The following PTPRS variants were observed in gnomAD, a reference collection of about 807,000 sequenced individuals.
The protein encoded by PTPRS is protein tyrosine phosphatase receptor type S.
PTPRS carries 63 observed loss-of-function variants against 215.3 expected under a neutral mutation model. The observed-to-expected ratio is 0.29, with a 90% CI of 0.24 to 0.36. PTPRS has a LOEUF of 0.36. PTPRS is among the 10% of genes least tolerant of loss of function. The probability of loss-of-function intolerance (pLI) is 1.00; values close to 1 mark genes in which losing one functional copy is unlikely to be tolerated. For synonymous variants in PTPRS, 1,404 were observed against 1,191.4 expected (o/e 1.18, Z -3.68); for missense variants, 2,258 against 2,825.8 (o/e 0.80, Z 4.56).
At chr19:5,324,545 G>GGA (rs2050120308) in intron 1 of PTPRS, among the ~76,000 whole-genome samples, 1 of 152,208 alleles carries the variant, frequency 6.6e-6, no homozygotes, top group Admixed American at 6.5e-5. Flanking sequence ...TTGCAATGGA[G>GGA]GAGGAGAGGA....
chr19:5,310,369 C>G (rs771144901), intron 1 of PTPRS, among the ~76,000 whole-genome samples: 75 of 145,042 alleles, frequency 5.2e-4, no homozygotes, highest in Admixed American at 7.7e-4. Context: ...CCAGGCTGGA[C>G]TGCAGTGGCG....
In PTPRS at chr19:5,210,056, C is replaced by T. The variant is rs2040725531; in HGVS notation, c.5487+413G>A. ...ACACTGCAGTCCTTCATTGAGCCAA[C>T]ACCATCCATACTCATCTCTCCTCAC... On this transcript the variant is annotated intron_variant, in intron 35 of 37. Transcript: ENST00000262963. The surrounding 1 kb of genome is among the most constrained non-coding windows in gnomAD (Gnocchi z 4.5). 6.6e-6 allele frequency among the ~76,000 whole-genome samples: 1 copy of T among 152,212 alleles called. No homozygotes were observed. Among genetic ancestry groups the T allele is most frequent in the Non-Finnish European group, 1.5e-5 (1 of 68,042 alleles).
chr19:5,240,408 C>T, intron 11 of PTPRS, 76 bp from the exon 12 acceptor site: 1 of 1,399,916 alleles, frequency 7.1e-7, no homozygotes, highest in Non-Finnish European at 9.4e-7. Context: ...GCTGAGTGTC[C>T]CCACTAAAAG....
intron 5 of PTPRS, among the ~76,000 whole-genome samples, chr19:5,263,899 A>C (rs778328453): frequency 6.6e-6 from 1 of 152,204 alleles, no homozygotes; most frequent in East Asian, 1.9e-4. Context: ...CTGTGCCCAC[A>C]GGCGGGAGGC....
chr19:5,260,754 G>C, intron 7 of PTPRS, 51 bp downstream of exon 7: 1 of 1,609,244 alleles, frequency 6.2e-7, no homozygotes, highest in Non-Finnish European at 8.5e-7. Flanking sequence ...GAGGGGCTGA[G>C]TGGGCAGCAA....
At chr19:5,305,729 T>C (rs1300800221) in intron 1 of PTPRS, among the ~76,000 whole-genome samples, 1 of 108,846 alleles carries the variant, frequency 9.2e-6, no homozygotes, top group African/African-American at 3.4e-5. Context: ...ACCCCGTCTC[T>C]GAAAAATAAA....
intron 1 of PTPRS, among the ~76,000 whole-genome samples, chr19:5,337,906 AT>A (rs202046436): frequency 1.3e-5 from 2 of 151,446 alleles, no homozygotes; most frequent in African/African-American, 2.4e-5. Context: ...ATAAGGAGTG[AT>A]TTTTTTTTCT....
At position 5,293,262 on chromosome 19, in the gene PTPRS, G is replaced by C. The variant is rs941249654; in HGVS notation, c.-94-7028C>G. 1.3e-5 allele frequency: 2 copies of C among 151,352 alleles called. No individual in the cohort carries two copies. The highest frequency in any genetic ancestry group is 1.5e-5 in the Non-Finnish European group (1 of 67,646). 9.4% of individuals were successfully genotyped at this position (151,352 alleles called of 1,614,324 possible). Reference sequence around the variant, plus strand: ...GCAGCGAAGACTCGGGAGAGGCCTCGGCCTGGGGAGCTCGGCCTGGGGGCG... The same window carrying C: ...GCAGCGAAGACTCGGGAGAGGCCTCCGCCTGGGGAGCTCGGCCTGGGGGCG... On this transcript the variant is annotated intron_variant, in intron 1 of 37. Coordinates refer to ENST00000262963, the MANE Select transcript of PTPRS (RefSeq NM_002850.4). This position sits in a 1 kb window ranked among gnomAD's most constrained non-coding sequence, Gnocchi z 8.4.
rs183275062 is a variant in PTPRS, at chr19:5,206,409, G to A, written c.*365C>T. On this transcript the variant is annotated 3_prime_UTR_variant, in exon 38 of 38. Transcript: ENST00000262963. The stretch of plus-strand genomic sequence containing the variant: ...GAGCCCCCCGGGTCCCCCTACCACC[G>A]CTGGGGGAGGACGAGGGGTCCGTCT... The A allele has an allele frequency of 2.0e-3, 548 of 268,846 alleles. 2 individuals carry two copies. The highest frequency in any genetic ancestry group is 0.011 in the African/African-American group (502 of 45,630). The allele number at this position is 268,846 out of a possible 1,614,324, so 16.7% of individuals were successfully genotyped here. A position where few individuals can be genotyped will look rare whatever the true frequency, so the allele number is the denominator to read the frequency against.
chr19:5,233,482 C>G (rs1364146962), intron 13 of PTPRS, among the ~76,000 whole-genome samples: 2 of 151,572 alleles, frequency 1.3e-5, no homozygotes, highest in East Asian at 3.9e-4. Flanking sequence ...CTCCATTAGG[C>G]ACCTACTATG....
chr19:5,245,687 T>G (rs1599663808), intron 10 of PTPRS, 89 bp downstream of exon 10: 1 of 1,473,050 alleles, frequency 6.8e-7, no homozygotes, highest in Non-Finnish European at 9.0e-7. Flanking sequence ...AACTCGGAGG[T>G]GCTCCCACGC....
In PTPRS at chr19:5,214,554, G is replaced by C; in HGVS notation, c.4494+7C>G. 6.2e-7 allele frequency: 1 copy of C among 1,611,864 alleles called. No homozygotes were observed. Among genetic ancestry groups the C allele is most frequent in the Non-Finnish European group, 8.5e-7 (1 of 1,178,620 alleles). On this transcript the variant is annotated splice_region_variant and intron_variant, in intron 29 of 37. Coordinates refer to ENST00000262963, the MANE Select transcript of PTPRS (RefSeq NM_002850.4). ...GGGGCTTGAGGGCCGTGGGGTCCAA[G>C]GCTCACCCGTGACTTCTCCTCCAGC...
chr19:5,308,005 ACT>A (rs2049556422), intron 1 of PTPRS, among the ~76,000 whole-genome samples: 1 of 151,660 alleles, frequency 6.6e-6, no homozygotes, highest in Admixed American at 6.6e-5. Context: ...TTATGGAAAA[ACT>A]CTACTGACCC....
chr19:5,277,217 G>A (rs963447902), intron 2 of PTPRS, among the ~76,000 whole-genome samples: 4 of 151,876 alleles, frequency 2.6e-5, no homozygotes, highest in African/African-American at 4.8e-5. Flanking sequence ...CCACAGCCAC[G>A]CCTGGCTAAT....
chr19:5,263,430 T>TG (rs957587570), intron 5 of PTPRS, among the ~76,000 whole-genome samples: 3 of 148,510 alleles, frequency 2.0e-5, no homozygotes, highest in Admixed American at 6.7e-5. Context: ...GGCTCTTTGG[T>TG]GGGGGGCAAC....
chr19:5,218,825 G>A (rs73543273), intron 23 of PTPRS, 27 bp from the exon 24 acceptor site: 219,027 of 1,582,970 alleles, frequency 0.14, 16,803 homozygotes, highest in African/African-American at 0.28. Flanking sequence ...ACACAGGTGA[G>A]AAGGGGGAAA....
At position 5,218,510 on chromosome 19, in the gene PTPRS, G is replaced by A. The variant is rs772880114; in HGVS notation, c.3958C>T (p.Arg1320Cys). Reference protein sequence around the residue: ...PDSKRKDSEPRTKCLLNNADL... With the variant: ...PDSKRKDSEPCTKCLLNNADL... ...GCATTGTTCAGGAGGCATTTGGTGC[G>A]GGGTTCTGAGTCCTTGCGTTTACTT... Residue 1320 changes from arginine to cysteine, a missense_variant, in exon 25 of 38, where the codon CGC (arginine) becomes TGC (cysteine). Physicochemically the swap from Arg to Cys is radical, Grantham distance 180. Transcript: ENST00000262963. The A allele has an allele frequency of 3.1e-6, 5 of 1,614,146 alleles. No individual in the cohort carries two copies. The highest frequency in any genetic ancestry group is 1.3e-5 in the African/African-American group (1 of 75,032).
intron 14 of PTPRS, 104 bp downstream of exon 14, chr19:5,231,206 G>A (rs1050300846): frequency 8.1e-6 from 10 of 1,228,136 alleles, no homozygotes; most frequent in Non-Finnish European, 1.1e-5. Context: ...TCCGAGTGAG[G>A]CTTCCGCCCT....
chr19:5,218,827 AG>A (rs773679606), intron 23 of PTPRS, 29 bp from the exon 24 acceptor site: 1 of 1,582,784 alleles, frequency 6.3e-7, no homozygotes, highest in Non-Finnish European at 8.6e-7. Context: ...ACAGGTGAGA[AG>A]GGGGAAAAAA....
Sources: allele counts gnomAD v4.1 joint callset (sites outside exome capture counted in the v4.1 genomes callset), GRCh38; gene constraint gnomAD v4.1.1; non-coding constraint Gnocchi (gnomAD v3.1); transcripts MANE v1.5; gene names NCBI Gene and HGNC (gene_info 2026-07-23, HGNC 2026-07-21).